The following SDHA variants were observed in gnomAD, a reference collection of about 807,000 sequenced individuals.
SDHA encodes succinate dehydrogenase [ubiquinone] flavoprotein subunit, mitochondrial.
A neutral mutation model predicts 78.4 loss-of-function variants in SDHA; 48 were observed. The observed-to-expected ratio is 0.61, with a 90% CI of 0.49 to 0.78. The LOEUF (loss-of-function observed/expected upper bound fraction) is 0.78. Among genes scored for constraint, SDHA ranks in the 30% least tolerant of loss-of-function variants. The pLI, the probability that SDHA is intolerant of heterozygous loss-of-function variation, is 0.00. For missense variants in SDHA, 680 were observed against 892.7 expected (o/e 0.76, Z 3.04); for synonymous variants, 326 against 353.9 (o/e 0.92, Z 0.88).
In SDHA at chr5:251,333, C is replaced by T. The variant is rs1211852182; in HGVS notation, c.1664-5C>T. 1 of 1,612,452 alleles carries T rather than the reference C, an allele frequency of 6.2e-7. No individual in the cohort carries two copies. The highest frequency in any genetic ancestry group is 1.1e-5 in the South Asian group (1 of 90,972). On this transcript the variant is annotated splice_region_variant and splice_polypyrimidine_tract_variant and intron_variant, in intron 12 of 14. Transcript: ENST00000264932. ...TGCCCCTGATGGAACTTTTTGTGTC[C>T]CCAGGAATGGTCTGGAACACGGACC... is the stretch of plus-strand genomic sequence containing the variant.
intron 11 of SDHA, among the ~76,000 whole-genome samples, chr5:247,509 A>G (rs1451222267): frequency 6.6e-6 from 1 of 152,244 alleles, no homozygotes; most frequent in Non-Finnish European, 1.5e-5. Flanking sequence ...ATACAGCAGT[A>G]CCCGGAAAGA....
At position 242,637 on chromosome 5, in the gene SDHA, C is replaced by T. The variant is rs1009440699; in HGVS notation, c.1551+2161C>T. On this transcript the variant is annotated intron_variant, in intron 11 of 14. Coordinates refer to ENST00000264932, the MANE Select transcript of SDHA (RefSeq NM_004168.4). The stretch of plus-strand genomic sequence containing the variant: ...GCCGCTGGGTTAGGGTCTCCATGAC[C>T]GAGCTGGTCTCGGCAAATGGCGCCC... 7.2e-5 allele frequency among the ~76,000 whole-genome samples: 11 copies of T among 152,216 alleles called. No individual in the cohort carries two copies. In the East Asian group the frequency reaches 7.7e-4, roughly 11 times the overall value.
chr5:245,310 G>A (rs1238363481), intron 11 of SDHA, among the ~76,000 whole-genome samples: 1 of 152,142 alleles, frequency 6.6e-6, no homozygotes, highest in Non-Finnish European at 1.5e-5. Context: ...CAAAAAATTG[G>A]CCTTTAATAG....
chr5:225,377 C>G lies in SDHA; in HGVS notation c.313-42C>G, dbSNP rs377528979. On this transcript the variant is annotated intron_variant, in intron 3 of 14. Coordinates refer to ENST00000264932, the MANE Select transcript of SDHA (RefSeq NM_004168.4). ...ATTTGGGCCTGGAAGACAAAGTTGGCGCTCCTGTTTGTGGCTTGTAAGGAG... is the reference window on the plus strand; with the variant it reads ...ATTTGGGCCTGGAAGACAAAGTTGGGGCTCCTGTTTGTGGCTTGTAAGGAG... 1.4e-4 allele frequency: 225 copies of G among 1,611,730 alleles called. No individual in the cohort carries two copies. In the African/African-American group the frequency reaches 2.7e-3, roughly 19 times the overall value.
At chr5:219,035 C>G (rs1376853939) in intron 1 of SDHA, among the ~76,000 whole-genome samples, 2 of 152,260 alleles carry the variant, frequency 1.3e-5, no homozygotes, top group Admixed American at 6.5e-5. Context: ...ATGTCCACTT[C>G]GAGACCTTGT....
intron 10 of SDHA, among the ~76,000 whole-genome samples, chr5:239,560 CA>C (rs58584596): frequency 0.098 from 14,168 of 144,532 alleles, 2,182 homozygotes; most frequent in African/African-American, 0.33. Flanking sequence ...AATTCCATCT[CA>C]AAAAAAAAAA....
intron 4 of SDHA, 101 bp downstream of exon 4, chr5:225,663 G>A (rs1734974465): frequency 1.3e-6 from 2 of 1,530,472 alleles, no homozygotes; most frequent in Non-Finnish European, 1.8e-6. Context: ...GCAGCCAAAA[G>A]AATGGTGATG....
In SDHA at chr5:256,817, C is replaced by CTT; in HGVS notation, c.*401_*402dup. 1 of 238,310 alleles carries CTT rather than the reference C, an allele frequency of 4.2e-6. No homozygotes were observed. Among genetic ancestry groups the CTT allele is most frequent in the Non-Finnish European group, 7.7e-6 (1 of 130,634 alleles). The allele number at this position is 238,310 out of a possible 1,614,324, so 14.8% of individuals were successfully genotyped here. Reference sequence around the variant, plus strand: ...AGATATTTTGTATAGTTTCTTTTTTCTTTTTCTTTTCTTTTTTTTTTTTGA... The same window carrying CTT: ...AGATATTTTGTATAGTTTCTTTTTTCTTTTTTTCTTTTCTTTTTTTTTTTTGA... On this transcript the variant is annotated 3_prime_UTR_variant, in exon 15 of 15. Transcript: ENST00000264932.
At chr5:235,404 G>C (rs112306004) in intron 9 of SDHA, 65 bp downstream of exon 9, 2 of 1,467,596 alleles carry the variant, frequency 1.4e-6, no homozygotes, top group Non-Finnish European at 1.9e-6. Context: ...CCACCTCGCA[G>C]TTGTCTCTTT....
At chr5:218,550 G>T (rs541618584) in intron 1 of SDHA, 132 bp downstream of exon 1, 2 of 690,522 alleles carry the variant, frequency 2.9e-6, no homozygotes, top group African/African-American at 1.9e-5. Flanking sequence ...TCGGGAAGGG[G>T]CTGAGAGAGC....
intron 12 of SDHA, 109 bp from the exon 13 acceptor site, chr5:251,229 A>G (rs1338432197): frequency 6.7e-6 from 10 of 1,497,212 alleles, no homozygotes; most frequent in African/African-American, 4.2e-5. Flanking sequence ...GCCCACAGCT[A>G]TAAAGCCACA....
the SDHA span, among the ~76,000 whole-genome samples, chr5:262,659 G>A: frequency 6.6e-6 from 1 of 152,186 alleles, no homozygotes; most frequent in African/African-American, 2.4e-5. Context: ...ACAAGGTTAG[G>A]GACCACCAGT....
chr5:227,925 G>C (rs188582692), intron 5 of SDHA: 411 of 462,544 alleles, frequency 8.9e-4, no homozygotes, highest in African/African-American at 7.4e-3. Context: ...TGCCTCTTCG[G>C]GTTGTGTAGA....
chr5:223,406 G>A, intron 1 of SDHA, 76 bp from the exon 2 acceptor site: 13 of 1,084,726 alleles, frequency 1.2e-5, no homozygotes, highest in Non-Finnish European at 1.9e-5. Flanking sequence ...AGTTTGCAAG[G>A]GGAAATTACT....
At chr5:228,910 C>T (rs28729548) in intron 6 of SDHA, among the ~76,000 whole-genome samples, 36,537 of 151,710 alleles carry the variant, frequency 0.24, 6,849 homozygotes, top group African/African-American at 0.53. Context: ...TAAAAACAAC[C>T]TACTAAACCC....
rs1423099693 is a variant in SDHA at position 251,193 on chromosome 5, C to T, written c.1663+90C>T. ...TGTCCCGTCAGTGCTGACTTAGTTC[C>T]GTGCTTGCTGTCTGGATGGGTCCTG... On this transcript the variant is annotated intron_variant, in intron 12 of 14. Transcript: ENST00000264932. 19 of 1,521,866 alleles carry T rather than the reference C, an allele frequency of 1.2e-5. 1 individual carries two copies. Among genetic ancestry groups the T allele is most frequent in the Middle Eastern group, 2.3e-4 (1 of 4,290 alleles). The allele number at this position is 1,521,866 out of a possible 1,614,324, so 94.3% of individuals were successfully genotyped here.
chr5:232,229 G>A (rs992616974), intron 7 of SDHA, among the ~76,000 whole-genome samples: 6 of 151,862 alleles, frequency 4.0e-5, no homozygotes, highest in African/African-American at 9.7e-5. Flanking sequence ...TATTTGTTTC[G>A]AGATGGGGTC....
Position 251,064 on chromosome 5 carries a change from C to T in SDHA, c.1624C>T (p.Leu542Phe). The T allele has an allele frequency of 1.2e-6, 2 of 1,612,002 alleles. No homozygotes were observed. Among genetic ancestry groups the T allele is most frequent in the Non-Finnish European group, 1.7e-6 (2 of 1,179,846 alleles). Residue 542 changes from leucine to phenylalanine, a missense_variant, in exon 12 of 15, where the codon CTC becomes TTC. Physicochemically the swap from Leu to Phe is conservative, Grantham distance 22 (BLOSUM62 0). Coordinates refer to ENST00000264932, the MANE Select transcript of SDHA (RefSeq NM_004168.4). ...LQEGCGKISK[L>F]YGDLKHLKTF... Reference sequence around the variant, plus strand: ...AGAAGGTTGTGGGAAAATCAGCAAGCTCTATGGAGACCTAAAGCACCTGAA... The same window carrying T: ...AGAAGGTTGTGGGAAAATCAGCAAGTTCTATGGAGACCTAAAGCACCTGAA...
chr5:241,057 A>T (rs1170069331), intron 11 of SDHA, among the ~76,000 whole-genome samples: 1 of 151,970 alleles, frequency 6.6e-6, no homozygotes, highest in African/African-American at 2.4e-5. Context: ...TATGAAAGAG[A>T]CCAGGAGGCC....
Sources: allele counts gnomAD v4.1 joint callset (sites outside exome capture counted in the v4.1 genomes callset), GRCh38; gene constraint gnomAD v4.1.1; transcripts MANE v1.5; gene names NCBI Gene and HGNC (gene_info 2026-07-23, HGNC 2026-07-21).